Variants in PYGB observed in about 807,000 individuals in gnomAD.
PYGB encodes the protein glycogen phosphorylase B.
Under a neutral mutation model 94.3 loss-of-function variants are expected in PYGB, and 82 were observed. The observed-to-expected ratio is 0.87, with a 90% CI of 0.73 to 1.04. PYGB has a LOEUF of 1.04. Ranked by LOEUF, PYGB falls within the 50% of genes least tolerant of loss-of-function variation. The probability of loss-of-function intolerance (pLI) is 0.00; values close to 1 mark genes in which losing one functional copy is unlikely to be tolerated. For missense variants in PYGB, 1,132 were observed against 1,158.2 expected, an observed-to-expected ratio of 0.98 and a Z score of 0.33; for synonymous variants, 488 against 479.1, an observed-to-expected ratio of 1.02 and a Z score of -0.24.
rs778968389 is a variant in PYGB, at chr20:25,259,191, G to A, written c.244-46G>A. On this transcript the variant is annotated intron_variant, in intron 1 of 19. Transcript: ENST00000216962. ...GTGTCATCTCTGTAACCTTCCTAAA[G>A]TGTAGAATGGAATGAGAAATCTTAT... is the stretch of plus-strand genomic sequence containing the variant. The A allele has an allele frequency of 1.0e-5, 15 of 1,488,842 alleles. No homozygotes were observed. In the South Asian group the frequency reaches 1.7e-4, roughly 17 times the overall value. 92.2% of individuals were successfully genotyped at this position (1,488,842 alleles called of 1,614,324 possible). A position where few individuals can be genotyped will look rare whatever the true frequency, so the allele number is the denominator to read the frequency against.
chr20:25,278,411 G>C lies in PYGB; in HGVS notation c.948G>C (p.Lys316Asn), dbSNP rs201092402. 1 of 1,614,254 alleles carries C rather than the reference G, an allele frequency of 6.2e-7. No individual in the cohort carries two copies. Among genetic ancestry groups the C allele is most frequent in the Non-Finnish European group, 8.5e-7 (1 of 1,180,052 alleles). ...QDIIRRFKSS[K>N]FGCRDPVRTC... ...TCATCCGCCGCTTCAAGTCGTCCAA[G>C]TTCGGCTGCCGGGACCCTGTGAGAA... Residue 316 changes from lysine to asparagine, a missense_variant, in exon 8 of 20, where the codon AAG becomes AAC. Lys to Asn is a moderately conservative substitution (Grantham distance 94, BLOSUM62 0). Transcript: ENST00000216962.
At position 25,278,444 on chromosome 20, in the gene PYGB, C is replaced by G. The variant is rs139728214; in HGVS notation, c.981C>G (p.Phe327Leu). ...GCCGGGACCCTGTGAGAACCTGTTT[C>G]GAGACGTTCCCAGACAAGGTGCATG... ...FGCRDPVRTC[F>L]ETFPDKVAIQ... The change falls in exon 8 of 20, where the codon TTC becomes TTG. Residue 327 changes from phenylalanine to leucine, a missense_variant. Physicochemically the swap from Phe to Leu is conservative, Grantham distance 22. Transcript: ENST00000216962. 6.8e-6 allele frequency: 11 copies of G among 1,614,040 alleles called. No homozygotes were observed. The highest frequency in any genetic ancestry group is 9.3e-6 in the Non-Finnish European group (11 of 1,180,020).
At chr20:25,279,677 C>G (rs2123569912) in intron 9 of PYGB, among the ~76,000 whole-genome samples, 1 of 152,170 alleles carries the variant, frequency 6.6e-6, no homozygotes, top group African/African-American at 2.4e-5. Flanking sequence ...CTGGGCAATA[C>G]AGCAAGACCC....
intron 4 of PYGB, among the ~76,000 whole-genome samples, chr20:25,273,870 A>G (rs2123554970): frequency 6.6e-6 from 1 of 151,942 alleles, no homozygotes; most frequent in South Asian, 2.1e-4. Flanking sequence ...TTTTTTAGAG[A>G]TAGGTCCTGC....
intron 14 of PYGB, among the ~76,000 whole-genome samples, chr20:25,284,721 G>A (rs921457409): frequency 7.9e-5 from 12 of 152,190 alleles, no homozygotes; most frequent in Admixed American, 2.6e-4. Flanking sequence ...CCACTGTACC[G>A]GGCCTTCAGT....
At chr20:25,278,487 C>G (rs201406225) in intron 8 of PYGB, 25 bp downstream of exon 8, 2 of 1,612,354 alleles carry the variant, frequency 1.2e-6, no homozygotes, top group Non-Finnish European at 1.7e-6. Flanking sequence ...TGGGAGGGAT[C>G]TCAGTGCCAG....
intron 3 of PYGB, 56 bp from the exon 4 acceptor site, chr20:25,271,326 CA>C: frequency 6.5e-7 from 1 of 1,546,982 alleles, no homozygotes; most frequent in Non-Finnish European, 8.9e-7. Context: ...GCTGCCTCCG[CA>C]TGGGACCTTG....
intron 1 of PYGB, among the ~76,000 whole-genome samples, chr20:25,255,808 A>G (rs144460462): frequency 0.014 from 2,044 of 150,592 alleles, 24 homozygotes; most frequent in Middle Eastern, 0.034. Context: ...ATCTCTACTC[A>G]CTGCAACCTC....
intron 2 of PYGB, among the ~76,000 whole-genome samples, chr20:25,268,157 A>AC (rs375575044): frequency 2.1e-3 from 60 of 28,334 alleles, no homozygotes; most frequent in African/African-American, 7.6e-3. Flanking sequence ...AAATCCTAGC[A>AC]CCCGCCCCCC....
chr20:25,286,150 G>A (rs534533752), intron 14 of PYGB, among the ~76,000 whole-genome samples: 2 of 152,320 alleles, frequency 1.3e-5, no homozygotes, highest in African/African-American at 4.8e-5. Flanking sequence ...GGGCATTTTC[G>A]CCAATACTCC....
In PYGB at chr20:25,284,213, A is replaced by C. The variant is rs766443619; in HGVS notation, c.1730A>C (p.Gln577Pro). ...AAGAGGATCCACGAGTACAAGCGGC[A>C]GCTGCTCAACTGCCTGCACGTCGTC... Reference protein sequence around the residue: ...HVKRIHEYKRQLLNCLHVVTL... With the variant: ...HVKRIHEYKRPLLNCLHVVTL... Residue 577 changes from glutamine to proline, a missense_variant, in exon 14 of 20, where the codon CAG becomes CCG. By Grantham distance (76) the Gln-to-Pro change is moderately conservative (BLOSUM62 -1). Transcript: ENST00000216962. 1.2e-6 allele frequency: 2 copies of C among 1,614,142 alleles called. No individual in the cohort carries two copies. The highest frequency in any genetic ancestry group is 1.7e-6 in the Non-Finnish European group (2 of 1,180,006).
chr20:25,262,472 A>T (rs1424570799), intron 2 of PYGB, among the ~76,000 whole-genome samples: 1 of 152,228 alleles, frequency 6.6e-6, no homozygotes, highest in Admixed American at 6.5e-5. Context: ...GAGCTCCTGA[A>T]GGAAGCACTA....
chr20:25,287,952 G>A (rs1462287111), intron 14 of PYGB, among the ~76,000 whole-genome samples: 1 of 152,230 alleles, frequency 6.6e-6, no homozygotes, highest in African/African-American at 2.4e-5. Context: ...CCGCACTCCA[G>A]CCTGGGCGAC....
At chr20:25,276,081 G>T (rs1204793733) in intron 5 of PYGB, among the ~76,000 whole-genome samples, 2 of 152,156 alleles carry the variant, frequency 1.3e-5, no homozygotes, top group African/African-American at 4.8e-5. Flanking sequence ...GAACCTGGGG[G>T]CTTGTCAAGG....
chr20:25,278,909 CT>C, intron 8 of PYGB, 147 bp from the exon 9 acceptor site: 1 of 733,454 alleles, frequency 1.4e-6, no homozygotes, highest in Non-Finnish European at 2.2e-6. Context: ...TCCCTGCTCC[CT>C]CCACAGAACC....
intron 16 of PYGB, among the ~76,000 whole-genome samples, chr20:25,290,893 C>CT (rs1568698775): frequency 1.3e-5 from 2 of 152,158 alleles, no homozygotes. Context: ...CTGGCCTGCC[C>CT]TCTGTATCCT....
At chr20:25,282,641 T>G (rs2261796) in intron 12 of PYGB, among the ~76,000 whole-genome samples, 68,706 of 152,060 alleles carry the variant, frequency 0.45, 16,139 homozygotes, top group East Asian at 0.92. Flanking sequence ...GAAGAGAGAG[T>G]GAGCAGTGCT....
rs573933019 is a variant in PYGB at position 25,283,203 on chromosome 20, C to T, written c.1546C>T (p.Leu516=). ...EKIGEEFLTD[L]SQLKKLLPLV... ...AATTGGGGAGGAGTTCCTGACTGAC[C>T]TGAGCCAGCTGAAGAAGCTGCTGCC... Residue 516 remains leucine, a synonymous_variant, in exon 13 of 20, where the codon CTG becomes TTG. Coordinates refer to ENST00000216962, the MANE Select transcript of PYGB (RefSeq NM_002862.4). The T allele has an allele frequency of 6.2e-7, 1 of 1,613,816 alleles. No homozygotes were observed. Among genetic ancestry groups the T allele is most frequent in the East Asian group, 2.2e-5 (1 of 44,866 alleles).
intron 12 of PYGB, 109 bp downstream of exon 12, chr20:25,282,256 C>T (rs898073269): frequency 2.3e-6 from 2 of 875,018 alleles, no homozygotes; most frequent in African/African-American, 3.4e-5. Context: ...GTCTGTCCCT[C>T]ACGTGTTGAC....
Sources: gnomAD v4.1 joint callset for allele counts (sites outside exome capture counted in the v4.1 genomes callset) on GRCh38, gnomAD v4.1.1 for gene constraint, MANE v1.5 for transcripts, NCBI Gene and HGNC (gene_info 2026-07-23, HGNC 2026-07-21) for gene names.